Variants in PDE4D observed in about 807,000 individuals in gnomAD.
PDE4D encodes the protein phosphodiesterase 4D, also known as 3',5'-cyclic-AMP phosphodiesterase 4D.
In PDE4D, 24 loss-of-function variants were observed where a neutral mutation model predicts 87.4. The observed-to-expected ratio is 0.27, with a 90% CI of 0.20 to 0.39. The LOEUF (loss-of-function observed/expected upper bound fraction) is 0.39, where lower values mean the gene tolerates loss of function less well. Among genes scored for constraint, PDE4D ranks in the 10% least tolerant of loss-of-function variants. The pLI, the probability that PDE4D is intolerant of heterozygous loss-of-function variation, is 1.00. For missense variants in PDE4D, 714 were observed against 1,041.0 expected, an observed-to-expected ratio of 0.69 and a Z score of 4.32; for synonymous variants, 384 against 383.2, an observed-to-expected ratio of 1.00 and a Z score of -0.02.
intron 1 of PDE4D, among the ~76,000 whole-genome samples, chr5:60,487,290 T>C (rs1749224044): frequency 6.6e-6 from 1 of 152,246 alleles, no homozygotes; most frequent in South Asian, 2.1e-4. Flanking sequence ...TGTCTGTATG[T>C]GTTTAATGTA....
chr5:59,762,884 TATATATATAG>T (rs1432233292), intron 1 of PDE4D, among the ~76,000 whole-genome samples: 7 of 140,720 alleles, frequency 5.0e-5, no homozygotes, highest in Non-Finnish European at 1.1e-4. Flanking sequence ...TATATATATA[TATATATATAG>T]CTTGCTCTTT....
intron 5 of PDE4D, among the ~76,000 whole-genome samples, chr5:59,086,645 C>T (rs1428914347): frequency 1.3e-5 from 2 of 152,130 alleles, no homozygotes; most frequent in Non-Finnish European, 2.9e-5. Context: ...TGTGCACAGA[C>T]ACCTCAAACT....
intron 1 of PDE4D, among the ~76,000 whole-genome samples, chr5:59,436,883 A>C (rs1796870072): frequency 6.6e-6 from 1 of 152,220 alleles, no homozygotes; most frequent in Non-Finnish European, 1.5e-5. Flanking sequence ...GTAAAGGAGA[A>C]AACCACATGG....
At chr5:59,687,598 C>T (rs1482109395) in intron 1 of PDE4D, among the ~76,000 whole-genome samples, 1 of 152,188 alleles carries the variant, frequency 6.6e-6, no homozygotes, top group Non-Finnish European at 1.5e-5. Flanking sequence ...CAACCAGTAC[C>T]AACCACTGCA....
intron 2 of PDE4D, among the ~76,000 whole-genome samples, chr5:60,014,015 C>T (rs1428245051): frequency 1.3e-5 from 2 of 150,940 alleles, no homozygotes; most frequent in African/African-American, 4.9e-5. Flanking sequence ...ATTGCTTGAA[C>T]CCAGGAGGCG....
At chr5:59,660,795 G>A (rs1245862652) in intron 1 of PDE4D, among the ~76,000 whole-genome samples, 3 of 152,120 alleles carry the variant, frequency 2.0e-5, no homozygotes, top group African/African-American at 4.8e-5. Context: ...ATATGAATAG[G>A]ATAAAAGCTG....
chr5:59,895,870 T>A (rs1456894419), upstream of PDE4D, among the ~76,000 whole-genome samples: 1 of 152,232 alleles, frequency 6.6e-6, no homozygotes, highest in African/African-American at 2.4e-5. Context: ...ACCAATTTGC[T>A]CCTTCCTTTT....
chr5:60,369,761 G>A (rs1224559747), intron 1 of PDE4D, among the ~76,000 whole-genome samples: 4 of 152,124 alleles, frequency 2.6e-5, no homozygotes, highest in Admixed American at 1.3e-4. Context: ...AGAGTAGGAC[G>A]AAGACCATAT....
intron 1 of PDE4D, among the ~76,000 whole-genome samples, chr5:60,471,713 A>G (rs1747825691): frequency 6.6e-6 from 1 of 152,168 alleles, no homozygotes; most frequent in Non-Finnish European, 1.5e-5. Context: ...AACAACCAGT[A>G]TTTTTAAATT....
intron 1 of PDE4D, among the ~76,000 whole-genome samples, chr5:60,272,317 T>C (rs1750900084): frequency 6.6e-6 from 1 of 152,264 alleles, no homozygotes; most frequent in Admixed American, 6.5e-5. Context: ...CTGGAGTGTT[T>C]GTCATCAACC....
At chr5:59,111,358 G>A (rs1772606559) in intron 5 of PDE4D, among the ~76,000 whole-genome samples, 1 of 152,130 alleles carries the variant, frequency 6.6e-6, no homozygotes, top group Admixed American at 6.5e-5. Context: ...TCCTGGAATT[G>A]CAGAATGGTC....
At chr5:59,386,139 T>C (rs1463347329) in intron 1 of PDE4D, among the ~76,000 whole-genome samples, 1 of 152,188 alleles carries the variant, frequency 6.6e-6, no homozygotes, top group Non-Finnish European at 1.5e-5. Context: ...TATGAACATA[T>C]GGTCCATTCA....
chr5:60,091,864 G>C (rs935872149), intron 2 of PDE4D, among the ~76,000 whole-genome samples: 3 of 151,488 alleles, frequency 2.0e-5, no homozygotes, highest in African/African-American at 7.3e-5. Context: ...CATCCTGGCT[G>C]ACACGGTGAA....
chr5:59,338,321 C>G (rs371126507), intron 1 of PDE4D, among the ~76,000 whole-genome samples: 1 of 152,174 alleles, frequency 6.6e-6, no homozygotes, highest in South Asian at 2.1e-4. Flanking sequence ...ATTTAGGCCC[C>G]TAGTCCCAGC....
chr5:60,288,399 A>C (rs1158089366), intron 1 of PDE4D, among the ~76,000 whole-genome samples: 2 of 152,162 alleles, frequency 1.3e-5, no homozygotes, highest in African/African-American at 4.8e-5. Flanking sequence ...CAAAATGCAA[A>C]TGTCCTCTCC....
At chr5:59,723,300 T>C (rs1228648466) in intron 1 of PDE4D, among the ~76,000 whole-genome samples, 2 of 152,072 alleles carry the variant, frequency 1.3e-5, no homozygotes, top group East Asian at 1.9e-4. Flanking sequence ...TATGTGAATA[T>C]AGGCAAATTA....
chr5:60,230,086 T>C (rs139308230), intron 1 of PDE4D, among the ~76,000 whole-genome samples: 889 of 152,220 alleles, frequency 5.8e-3, no homozygotes, highest in African/African-American at 0.021. Context: ...GCAACAAGCA[T>C]CTGGGAGGCT....
At chr5:60,088,731 AAGAG>A (rs142927893) in intron 2 of PDE4D, among the ~76,000 whole-genome samples, 2 of 151,854 alleles carry the variant, frequency 1.3e-5, no homozygotes, top group East Asian at 1.9e-4. Context: ...AAACGAAAGT[AAGAG>A]AGAGAGAGAA....
At chr5:59,224,520 C>A (rs1427182448) in intron 1 of PDE4D, among the ~76,000 whole-genome samples, 1 of 152,110 alleles carries the variant, frequency 6.6e-6, no homozygotes, top group South Asian at 2.1e-4. Flanking sequence ...GCTGGACTTG[C>A]TTAGCACACT....
Sources: allele counts gnomAD v4.1 joint callset (sites outside exome capture counted in the v4.1 genomes callset), GRCh38; gene constraint gnomAD v4.1.1; transcripts MANE v1.5; gene names NCBI Gene and HGNC (gene_info 2026-07-23, HGNC 2026-07-21).